Variants in ASAP2 observed in about 807,000 individuals in gnomAD.
The protein encoded by ASAP2 is ArfGAP with SH3 domain, ankyrin repeat and PH domain 2, also known as arf-GAP with SH3 domain, ANK repeat and PH domain-containing protein 2.
Under a neutral mutation model 131.4 loss-of-function variants are expected in ASAP2, and 45 were observed. The observed-to-expected ratio is 0.34, with a 90% CI of 0.27 to 0.44. The LOEUF (loss-of-function observed/expected upper bound fraction) is 0.44. Among genes scored for constraint, ASAP2 ranks in the 20% least tolerant of loss-of-function variants. ASAP2 has a pLI of 1.00. For missense variants in ASAP2, 1,011 were observed against 1,297.0 expected (o/e 0.78, Z 3.39); for synonymous variants, 510 against 503.0 (o/e 1.01, Z -0.19).
chr2:9,283,102 G>A (rs12477546), intron 2 of ASAP2, among the ~76,000 whole-genome samples: 20,722 of 151,794 alleles, frequency 0.14, 1,839 homozygotes, highest in African/African-American at 0.25. Context: ...TTTTGAGATG[G>A]TGCTTCACTC....
rs1272606710 is a variant in ASAP2 at position 9,271,339 on chromosome 2, G to A, written c.127-7978G>A. Reference sequence around the variant, plus strand: ...CCTTAGCCAGTCCAAGCTCTACGAGGAACTGGCATAATATATGTTCTTGCA... The same window carrying A: ...CCTTAGCCAGTCCAAGCTCTACGAGAAACTGGCATAATATATGTTCTTGCA... On this transcript the variant is annotated intron_variant, in intron 1 of 27. Transcript: ENST00000281419. The A allele has an allele frequency of 4.6e-6, 5 of 1,084,404 alleles. No homozygotes were observed. The African/African-American group carries it at 7.7e-5, about 17-fold the overall frequency. The allele number at this position is 1,084,404 out of a possible 1,614,324, so 67.2% of individuals were successfully genotyped here.
At chr2:9,329,549 C>T (rs1031865832) in intron 7 of ASAP2, among the ~76,000 whole-genome samples, 9 of 152,290 alleles carry the variant, frequency 5.9e-5, no homozygotes, top group East Asian at 1.9e-4. Context: ...GGAAGCTTCT[C>T]GGCTGTAACA....
intron 1 of ASAP2, among the ~76,000 whole-genome samples, chr2:9,251,949 TTA>T (rs1163215994): frequency 9.0e-4 from 137 of 152,220 alleles, no homozygotes; most frequent in Middle Eastern, 3.4e-3. Flanking sequence ...TTTTTTTTTT[TTA>T]ATTATCATCT....
In ASAP2 at chr2:9,389,156, A is replaced by G. The variant is rs1336048490; in HGVS notation, c.2383+610A>G. On this transcript the variant is annotated intron_variant, in intron 22 of 27. Coordinates refer to ENST00000281419, the MANE Select transcript of ASAP2 (RefSeq NM_003887.3). This position sits in a 1 kb window ranked among gnomAD's most constrained non-coding sequence, Gnocchi z 4.7. ...TCTGTTTTTAGAAATACGCAAACCA[A>G]AGCTCTCAGAAGTTAAGTAATTTGT... is the stretch of plus-strand genomic sequence containing the variant. Among the ~76,000 whole-genome samples, 4 of 152,224 alleles carry G rather than the reference A, an allele frequency of 2.6e-5. No individual in the cohort carries two copies. Among genetic ancestry groups the G allele is most frequent in the South Asian group, 2.1e-4 (1 of 4,828 alleles).
chr2:9,217,812 C>T lies in ASAP2; in HGVS notation c.126+10582C>T, dbSNP rs1662158575. ...GGTATTTTTAGTAGAGACGGGGTTT[C>T]ACTGTGTTAGCCAGGATGGTCTTGA... On this transcript the variant is annotated intron_variant, in intron 1 of 27. Transcript: ENST00000281419. The surrounding 1 kb of genome is among the most constrained non-coding windows in gnomAD (Gnocchi z 4.0). Among the ~76,000 whole-genome samples the T allele has an allele frequency of 6.6e-6, 1 of 151,744 alleles. No homozygotes were observed. Among genetic ancestry groups the T allele is most frequent in the African/African-American group, 2.4e-5 (1 of 41,314 alleles).
chr2:9,384,912 G>A (rs1675145289), intron 20 of ASAP2, among the ~76,000 whole-genome samples: 1 of 152,242 alleles, frequency 6.6e-6, no homozygotes, highest in African/African-American at 2.4e-5. Flanking sequence ...TCCTGCCTTG[G>A]GGCAGGAGAA....
At chr2:9,397,410 A>G (rs1676234218) in intron 24 of ASAP2, among the ~76,000 whole-genome samples, 1 of 152,138 alleles carries the variant, frequency 6.6e-6, no homozygotes. Flanking sequence ...GGAAAAAGGG[A>G]AGCAGGGCAA....
chr2:9,289,861 A>G (rs1667695689), intron 2 of ASAP2, among the ~76,000 whole-genome samples: 1 of 152,224 alleles, frequency 6.6e-6, no homozygotes, highest in Non-Finnish European at 1.5e-5. Context: ...GGTACCATCC[A>G]CAAAGACTGG....
chr2:9,401,242 C>T (rs1386786998), intron 26 of ASAP2, 32 bp from the exon 27 acceptor site: 3 of 1,611,742 alleles, frequency 1.9e-6, no homozygotes, highest in Admixed American at 1.7e-5. Flanking sequence ...GGCCTGCAGC[C>T]ACACTAACCG....
intron 25 of ASAP2, among the ~76,000 whole-genome samples, chr2:9,400,423 C>T (rs1331471551): frequency 4.7e-5 from 6 of 127,414 alleles, no homozygotes; most frequent in Non-Finnish European, 9.9e-5. Context: ...TCTCACCCTC[C>T]TCCCTGCCTT....
Position 9,401,341 on chromosome 2 carries a change from C to G in ASAP2, c.2891C>G (p.Thr964Ser). ...GTGGCTGACAACCCCGATGAGCTCACCTTCTCCGAGGGGGATGTGATCATC... is the reference window on the plus strand; with the variant it reads ...GTGGCTGACAACCCCGATGAGCTCAGCTTCTCCGAGGGGGATGTGATCATC... ...NCVADNPDEL[T>S]FSEGDVIIVD... Residue 964 changes from threonine (T) to serine (S), a missense_variant, in exon 27 of 28, where the codon ACC becomes AGC. Around this residue, in one of 2 missense-constraint regions of ASAP2, gnomAD observed 652 missense variants for 698.9 expected, o/e 0.93. Coordinates refer to ENST00000281419, the MANE Select transcript of ASAP2 (RefSeq NM_003887.3). The G allele has an allele frequency of 6.2e-7, 1 of 1,613,604 alleles. No individual in the cohort carries two copies. The highest frequency in any genetic ancestry group is 8.5e-7 in the Non-Finnish European group (1 of 1,179,918).
intron 2 of ASAP2, among the ~76,000 whole-genome samples, chr2:9,280,953 G>T (rs1438706239): frequency 6.6e-6 from 1 of 152,166 alleles, no homozygotes; most frequent in South Asian, 2.1e-4. Context: ...CTGGAGCTCA[G>T]ACCCTGATGG....
Position 9,323,365 on chromosome 2 carries a change from G to A in ASAP2, c.600+115G>A, listed in dbSNP as rs990709194. 6.2e-6 allele frequency: 9 copies of A among 1,450,230 alleles called. No individual in the cohort carries two copies. In the Admixed American group the frequency reaches 1.9e-4, roughly 30 times the overall value. The allele number at this position is 1,450,230 out of a possible 1,614,324, so 89.8% of individuals were successfully genotyped here. A position where few individuals can be genotyped will look rare whatever the true frequency, so the allele number is the denominator to read the frequency against. On this transcript the variant is annotated intron_variant, in intron 6 of 27. Coordinates refer to ENST00000281419, the MANE Select transcript of ASAP2 (RefSeq NM_003887.3). The stretch of plus-strand genomic sequence containing the variant: ...CAGAGAAAACACCACATGCATTGCT[G>A]GACTCCCTTTGCCCCTGTGTTGACA...
chr2:9,256,662 G>T (rs778487438), intron 1 of ASAP2, among the ~76,000 whole-genome samples: 1 of 152,228 alleles, frequency 6.6e-6, no homozygotes, highest in Non-Finnish European at 1.5e-5. Context: ...GTATTGAAAT[G>T]AAAGTGCAGG....
chr2:9,357,921 T>G (rs1672821115), intron 14 of ASAP2, among the ~76,000 whole-genome samples: 1 of 152,252 alleles, frequency 6.6e-6, no homozygotes, highest in Non-Finnish European at 1.5e-5. Flanking sequence ...GTTGTGATGA[T>G]GTACTCAAGG....
chr2:9,222,287 T>A (rs1333389149), intron 1 of ASAP2, among the ~76,000 whole-genome samples: 1 of 152,244 alleles, frequency 6.6e-6, no homozygotes, highest in African/African-American at 2.4e-5. Context: ...ATAGGAAGAT[T>A]TGCTTGCTTG....
chr2:9,301,820 C>CTTTTTTTTTTTTTTTTTTTTTTTTT (rs1177064910), intron 3 of ASAP2, among the ~76,000 whole-genome samples: 2 of 115,410 alleles, frequency 1.7e-5, no homozygotes, highest in Admixed American at 9.4e-5. Flanking sequence ...TATCCATCAT[C>CTTTTTTTTTTTTTTTTTTTTTTTTT]TTTTTTTTTT....
intron 1 of ASAP2, among the ~76,000 whole-genome samples, chr2:9,258,066 A>T (rs566686810): frequency 5.3e-5 from 8 of 152,178 alleles, no homozygotes; most frequent in Non-Finnish European, 1.2e-4. Context: ...CAGTGCTGGT[A>T]TCATCACATT....
chr2:9,328,585 T>C (rs1405079725), intron 7 of ASAP2, among the ~76,000 whole-genome samples: 1 of 152,212 alleles, frequency 6.6e-6, no homozygotes, highest in Non-Finnish European at 1.5e-5. Context: ...AAGGAAGATG[T>C]TAGTAGAGGA....
Sources: allele counts gnomAD v4.1 joint callset (sites outside exome capture counted in the v4.1 genomes callset), GRCh38; gene constraint gnomAD v4.1.1; regional missense constraint gnomAD v4.1.1; non-coding constraint Gnocchi (gnomAD v3.1); transcripts MANE v1.5; gene names NCBI Gene and HGNC (gene_info 2026-07-23, HGNC 2026-07-21).